Variants in ZNF438 observed in about 807,000 individuals in gnomAD.
The protein encoded by ZNF438 is zinc finger protein 438.
ZNF438 carries 25 observed loss-of-function variants against 38.0 expected under a neutral mutation model. The observed-to-expected ratio is 0.66, with a 90% CI of 0.48 to 0.92. ZNF438 has a LOEUF of 0.92. Among genes scored for constraint, ZNF438 ranks in the 40% least tolerant of loss-of-function variants. ZNF438 has a pLI of 0.00. For missense variants in ZNF438, 1,007 were observed against 999.6 expected, an observed-to-expected ratio of 1.01 and a Z score of -0.10; for synonymous variants, 372 against 364.1, an observed-to-expected ratio of 1.02 and a Z score of -0.25.
intron 1 of ZNF438, among the ~76,000 whole-genome samples, chr10:31,008,304 A>C (rs763031500): frequency 1.3e-5 from 2 of 152,194 alleles, no homozygotes; most frequent in Non-Finnish European, 2.9e-5. Context: ...TATAATTCAC[A>C]TACCATGCAA....
chr10:31,004,681 A>T (rs1484513586), intron 1 of ZNF438, among the ~76,000 whole-genome samples: 2 of 152,184 alleles, frequency 1.3e-5, no homozygotes, highest in East Asian at 3.8e-4. Context: ...CAGTTCTGAG[A>T]TTGGAGAGAC....
At chr10:30,948,354 C>T (rs1261457193) in intron 1 of ZNF438, among the ~76,000 whole-genome samples, 2 of 152,098 alleles carry the variant, frequency 1.3e-5, no homozygotes, top group Non-Finnish European at 2.9e-5. Flanking sequence ...TCTCCTCCTC[C>T]AAAGGAACGC....
At chr10:30,989,065 TAGA>T (rs1456641691) in intron 1 of ZNF438, among the ~76,000 whole-genome samples, 1 of 152,212 alleles carries the variant, frequency 6.6e-6, no homozygotes, top group Non-Finnish European at 1.5e-5. Context: ...GATGGTAACA[TAGA>T]AATGCTGAGT....
At chr10:30,867,200 A>G (rs2036590151) in intron 4 of ZNF438, among the ~76,000 whole-genome samples, 4 of 152,210 alleles carry the variant, frequency 2.6e-5, no homozygotes, top group African/African-American at 9.6e-5. Flanking sequence ...AAAATATGTC[A>G]ACATATACAA....
intron 1 of ZNF438, among the ~76,000 whole-genome samples, chr10:30,963,669 C>G (rs1417356407): frequency 6.6e-6 from 1 of 152,040 alleles, no homozygotes; most frequent in African/African-American, 2.4e-5. Flanking sequence ...GTCAGGAGTT[C>G]AGGAGTTTAA....
At chr10:30,929,327 T>C (rs1347241218) in intron 2 of ZNF438, among the ~76,000 whole-genome samples, 1 of 152,218 alleles carries the variant, frequency 6.6e-6, no homozygotes, top group East Asian at 1.9e-4. Flanking sequence ...GTGTTCGGAC[T>C]TCCTTCTGGT....
intron 1 of ZNF438, among the ~76,000 whole-genome samples, chr10:30,993,775 C>T (rs573407346): frequency 6.6e-6 from 1 of 152,370 alleles, no homozygotes; most frequent in South Asian, 2.1e-4. Flanking sequence ...AAGCCACAGG[C>T]ACCCAACTGT....
At chr10:30,905,098 C>G (rs936536308) in intron 3 of ZNF438, among the ~76,000 whole-genome samples, 10 of 152,108 alleles carry the variant, frequency 6.6e-5, no homozygotes, top group African/African-American at 2.2e-4. Context: ...TAACATTTAC[C>G]CCTTTACAGT....
chr10:30,874,075 T>C (rs1359297621), intron 4 of ZNF438, among the ~76,000 whole-genome samples: 1 of 147,008 alleles, frequency 6.8e-6, no homozygotes, highest in East Asian at 1.9e-4. Context: ...CAAATATATA[T>C]GTAATATATT....
intron 4 of ZNF438, among the ~76,000 whole-genome samples, chr10:30,853,082 G>A (rs1225555394): frequency 6.6e-6 from 1 of 152,086 alleles, no homozygotes; most frequent in African/African-American, 2.4e-5. Flanking sequence ...ACTTAGAGAT[G>A]TGGCTTAATA....
At chr10:30,948,386 C>G (rs1296553097) in intron 1 of ZNF438, among the ~76,000 whole-genome samples, 1 of 152,140 alleles carries the variant, frequency 6.6e-6, no homozygotes, top group Non-Finnish European at 1.5e-5. Context: ...AGCAACGGAA[C>G]AAAGCTGGAT....
chr10:31,027,302 T>C (rs918410532), intron 1 of ZNF438, among the ~76,000 whole-genome samples: 5 of 152,264 alleles, frequency 3.3e-5, no homozygotes, highest in Admixed American at 1.3e-4. Context: ...GTACTATCAC[T>C]GGGCTAGACA....
chr10:30,849,851 G>A, exon 5 of ZNF438: 2 of 1,614,150 alleles, frequency 1.2e-6, no homozygotes, highest in African/African-American at 1.3e-5. Flanking sequence ...GCTGGCTGGG[G>A]CTTGCTCTAG....
intron 2 of ZNF438, among the ~76,000 whole-genome samples, chr10:30,926,209 C>T (rs904258327): frequency 3.3e-5 from 5 of 152,236 alleles, no homozygotes; most frequent in Admixed American, 2.6e-4. Flanking sequence ...AGTAGTTACA[C>T]GGATGTACAT....
intron 1 of ZNF438, among the ~76,000 whole-genome samples, chr10:30,960,393 T>C (rs1389918486): frequency 6.8e-6 from 1 of 147,536 alleles, no homozygotes; most frequent in Admixed American, 6.8e-5. Context: ...TTAGAAGTTT[T>C]ATAATTTTAG....
chr10:30,847,050 C>T (rs958284436), intron 5 of ZNF438, among the ~76,000 whole-genome samples: 1 of 152,170 alleles, frequency 6.6e-6, no homozygotes, highest in South Asian at 2.1e-4. Flanking sequence ...AGCTCGGTGC[C>T]AGCCTGCAGG....
At chr10:30,931,008 C>T (rs1202570293) in intron 2 of ZNF438, among the ~76,000 whole-genome samples, 1 of 152,108 alleles carries the variant, frequency 6.6e-6, no homozygotes, top group Non-Finnish European at 1.5e-5. Flanking sequence ...GGCTTGCAGT[C>T]ACTGGGCTAT....
At chr10:30,849,794 C>T in exon 5 of ZNF438, 1 of 1,614,054 alleles carries the variant, frequency 6.2e-7, no homozygotes, top group South Asian at 1.1e-5. Flanking sequence ...CACTGGTGGT[C>T]TCAAGTCCCC....
intron 2 of ZNF438, chr10:30,910,246 G>C (rs2042947538): frequency 6.6e-6 from 1 of 152,248 alleles, no homozygotes. Flanking sequence ...AGTGATCATA[G>C]ATTGAAGGAA....
Sources: gnomAD v4.1 joint callset for allele counts (sites outside exome capture counted in the v4.1 genomes callset) on GRCh38, gnomAD v4.1.1 for gene constraint, MANE v1.5 for transcripts, NCBI Gene and HGNC (gene_info 2026-07-23, HGNC 2026-07-21) for gene names.